Variants in PGM5 observed in about 807,000 individuals in gnomAD.
PGM5 encodes the protein phosphoglucomutase 5.
A neutral mutation model predicts 59.2 loss-of-function variants in PGM5; 23 were observed. That is an observed-to-expected ratio of 0.39 (90% CI 0.28 to 0.55). The LOEUF is 0.55. PGM5 is among the 20% of genes least tolerant of loss of function. The pLI is 0.66. For missense variants in PGM5, 574 were observed against 748.3 expected (o/e 0.77, Z 2.72); for synonymous variants, 214 against 286.0 (o/e 0.75, Z 2.54).
chr9:68,385,290 G>A (rs1164005096), intron 3 of PGM5, among the ~76,000 whole-genome samples: 1 of 152,156 alleles, frequency 6.6e-6, no homozygotes, highest in Non-Finnish European at 1.5e-5. Flanking sequence ...AATAGCAATA[G>A]ATCTAACATG....
chr9:68,419,653 A>G (rs1554682225), intron 6 of PGM5, among the ~76,000 whole-genome samples: 1 of 152,226 alleles, frequency 6.6e-6, no homozygotes, highest in Non-Finnish European at 1.5e-5. Context: ...CCTGGTAACC[A>G]GCATCTATTG....
Position 68,475,184 on chromosome 9 carries a change from A to ATTTT in PGM5, c.1160-4215_1160-4212dup, listed in dbSNP as rs782687667. ...ATGTGTCTGCCATCATGCCTGGCTA[A>ATTTT]TTTTTTTTTTTTTTTTTTTTTTGTA... On this transcript the variant is annotated intron_variant, in intron 7 of 10. Transcript: ENST00000396396. Among the ~76,000 whole-genome samples the ATTTT allele has an allele frequency of 0.015, 1,707 of 112,656 alleles. 140 individuals carry two copies. The East Asian group carries it at 0.23, about 15-fold the overall frequency. 73.9% of individuals were successfully genotyped at this position (112,656 alleles called of 152,430 possible). A position where few individuals can be genotyped will look rare whatever the true frequency, so the allele number is the denominator to read the frequency against.
chr9:68,478,225 G>T (rs1824136140), intron 7 of PGM5, among the ~76,000 whole-genome samples: 1 of 152,232 alleles, frequency 6.6e-6, no homozygotes, highest in Admixed American at 6.5e-5. Flanking sequence ...ACAGGAAGCT[G>T]GTCATTTAGA....
chr9:68,373,118 G>C (rs1486631397), intron 1 of PGM5, among the ~76,000 whole-genome samples: 1 of 145,216 alleles, frequency 6.9e-6, no homozygotes, highest in Non-Finnish European at 1.5e-5. Context: ...CCACAGAACT[G>C]GTCATCCTAT....
At chr9:68,380,521 C>T (rs543047185) in intron 2 of PGM5, among the ~76,000 whole-genome samples, 1 of 151,938 alleles carries the variant, frequency 6.6e-6, no homozygotes, top group South Asian at 2.1e-4. Flanking sequence ...AGTAGACTAA[C>T]ATTATGCCCC....
At chr9:68,376,413 T>C (rs1396794652) in intron 1 of PGM5, among the ~76,000 whole-genome samples, 8 of 152,178 alleles carry the variant, frequency 5.3e-5, no homozygotes, top group African/African-American at 1.9e-4. Context: ...CTTGAAAATA[T>C]GTAGCCTGGG....
At chr9:68,488,148 A>AC (rs1554687673) in intron 9 of PGM5, among the ~76,000 whole-genome samples, 2 of 152,234 alleles carry the variant, frequency 1.3e-5, no homozygotes, top group South Asian at 4.1e-4. Context: ...GCAGAAAAAA[A>AC]ACACACAATT....
intron 10 of PGM5, among the ~76,000 whole-genome samples, chr9:68,527,411 G>A (rs1441056173): frequency 6.6e-6 from 1 of 152,110 alleles, no homozygotes; most frequent in Non-Finnish European, 1.5e-5. Flanking sequence ...TTCTTTGATA[G>A]GTGTTAATGA....
At chr9:68,387,219 G>A (rs1822244968) in intron 3 of PGM5, among the ~76,000 whole-genome samples, 1 of 152,010 alleles carries the variant, frequency 6.6e-6, no homozygotes, top group African/African-American at 2.4e-5. Flanking sequence ...TCCTTGCAAA[G>A]AAGAATTTAT....
chr9:68,462,077 A>C (rs1475537395), intron 6 of PGM5, among the ~76,000 whole-genome samples: 1 of 152,168 alleles, frequency 6.6e-6, no homozygotes, highest in Non-Finnish European at 1.5e-5. Flanking sequence ...AGGAGGTTTT[A>C]AAATTCTGAC....
intron 7 of PGM5, among the ~76,000 whole-genome samples, chr9:68,478,082 G>T (rs536506597): frequency 1.3e-5 from 2 of 152,338 alleles, no homozygotes; most frequent in East Asian, 1.9e-4. Context: ...GCCTTCCCCA[G>T]GATACCACAT....
chr9:68,486,275 A>G (rs1018131789), intron 9 of PGM5, among the ~76,000 whole-genome samples: 13 of 152,106 alleles, frequency 8.5e-5, no homozygotes, highest in African/African-American at 3.1e-4. Flanking sequence ...ATCTTTATTG[A>G]TATATAATTC....
chr9:68,445,498 C>T (rs567719724), intron 6 of PGM5, among the ~76,000 whole-genome samples: 1 of 152,310 alleles, frequency 6.6e-6, no homozygotes, highest in African/African-American at 2.4e-5. Context: ...TGTGAGGATG[C>T]TTGGAATACA....
At chr9:68,389,423 T>A (rs1324806232) in intron 4 of PGM5, among the ~76,000 whole-genome samples, 2 of 152,054 alleles carry the variant, frequency 1.3e-5, no homozygotes, top group Non-Finnish European at 2.9e-5. Flanking sequence ...CCCCAGCCCC[T>A]GGCAACCACT....
intron 6 of PGM5, among the ~76,000 whole-genome samples, chr9:68,451,721 A>C (rs908476663): frequency 1.3e-5 from 2 of 152,204 alleles, no homozygotes; most frequent in Non-Finnish European, 2.9e-5. Flanking sequence ...TGAAGGGTGT[A>C]GTCTACTTCC....
intron 1 of PGM5, among the ~76,000 whole-genome samples, chr9:68,375,476 G>A (rs145404566): frequency 3.3e-5 from 5 of 152,214 alleles, no homozygotes; most frequent in Non-Finnish European, 7.4e-5. Flanking sequence ...ATCAACACTC[G>A]ACTCGAAGAG....
intron 9 of PGM5, among the ~76,000 whole-genome samples, chr9:68,492,487 G>A (rs1052309910): frequency 6.6e-6 from 1 of 152,162 alleles, no homozygotes; most frequent in Non-Finnish European, 1.5e-5. Context: ...CAAGAAGGCT[G>A]GTTGGTTTTT....
chr9:68,452,614 A>T (rs1438883766), intron 6 of PGM5, among the ~76,000 whole-genome samples: 10 of 152,080 alleles, frequency 6.6e-5, no homozygotes, highest in East Asian at 5.8e-4. Context: ...CTCTTCCCCT[A>T]CCACATCCTC....
At chr9:68,508,729 CA>C (rs1372259832) in intron 10 of PGM5, among the ~76,000 whole-genome samples, 1 of 152,224 alleles carries the variant, frequency 6.6e-6, no homozygotes, top group Non-Finnish European at 1.5e-5. Flanking sequence ...ATGGGTTTGA[CA>C]AGCTGTGTCC....
Sources: gnomAD v4.1 joint callset for allele counts (sites outside exome capture counted in the v4.1 genomes callset) on GRCh38, gnomAD v4.1.1 for gene constraint, MANE v1.5 for transcripts, NCBI Gene and HGNC (gene_info 2026-07-23, HGNC 2026-07-21) for gene names.